The following KCNQ1 variants were observed in gnomAD, a reference collection of about 807,000 sequenced individuals.
KCNQ1 encodes the protein potassium voltage-gated channel subfamily KQT member 1.
KCNQ1 carries 49 observed loss-of-function variants against 72.4 expected under a neutral mutation model. The observed-to-expected ratio is 0.68, with a 90% CI of 0.54 to 0.86. KCNQ1 has a LOEUF of 0.86. Among genes scored for constraint, KCNQ1 ranks in the 40% least tolerant of loss-of-function variants. The probability of loss-of-function intolerance (pLI) is 0.00; values close to 1 mark genes in which losing one functional copy is unlikely to be tolerated. For synonymous variants in KCNQ1, 450 were observed against 412.6 expected (o/e 1.09, Z -1.10); for missense variants, 790 against 945.1 (o/e 0.84, Z 2.15).
Position 2,767,525 on chromosome 11 carries a change from C to T in KCNQ1, c.1515-1319C>T, listed in dbSNP as rs1485248716. ...TCTTTTCCCTTGCCTTTTAGTCTTT[C>T]GTGTATAAAATTGTAGATGCTCGAG... On this transcript the variant is annotated intron_variant, in intron 11 of 15. Coordinates refer to ENST00000155840, the MANE Select transcript of KCNQ1 (RefSeq NM_000218.3). This position sits in a 1 kb window ranked among gnomAD's most constrained non-coding sequence, Gnocchi z 4.6. Among the ~76,000 whole-genome samples the T allele has an allele frequency of 2.6e-5, 4 of 152,268 alleles. No homozygotes were observed. The highest frequency in any genetic ancestry group is 4.1e-4 in the South Asian group (2 of 4,826).
In KCNQ1 at chr11:2,447,197, A is replaced by G. The variant is rs140008779; in HGVS notation, c.386+1713A>G. ...TGCTTGCACTTGTGTTTTCTTCCTC[A>G]TTTGGATTGTTTAGGTCTCGGAAGT... On this transcript the variant is annotated intron_variant, in intron 1 of 15. Transcript: ENST00000155840. The surrounding 1 kb of genome is among the most constrained non-coding windows in gnomAD (Gnocchi z 7.6). 1.6e-3 allele frequency among the ~76,000 whole-genome samples: 245 copies of G among 152,114 alleles called. No homozygotes were observed. Among genetic ancestry groups the G allele is most frequent in the African/African-American group, 5.5e-3 (229 of 41,472 alleles).
At position 2,661,152 on chromosome 11, in the gene KCNQ1, T is replaced by C. The variant is rs1256455756; in HGVS notation, c.1394-809T>C. ...CAGAGAGGGTGGGCTAGGGATCTAG[T>C]TGGCAGTTAACACTGATGACCTTGG... On this transcript the variant is annotated intron_variant, in intron 10 of 15. Coordinates refer to ENST00000155840, the MANE Select transcript of KCNQ1 (RefSeq NM_000218.3). This position sits in a 1 kb window ranked among gnomAD's most constrained non-coding sequence, Gnocchi z 5.9. The C allele has an allele frequency of 1.0e-5, 4 of 398,460 alleles. No individual in the cohort carries two copies. The highest frequency in any genetic ancestry group is 1.8e-5 in the Non-Finnish European group (4 of 226,070). The allele number at this position is 398,460 out of a possible 1,614,324, so 24.7% of individuals were successfully genotyped here. A position where few individuals can be genotyped will look rare whatever the true frequency, so the allele number is the denominator to read the frequency against.
chr11:2,489,918 C>T (rs548352946), intron 1 of KCNQ1, among the ~76,000 whole-genome samples: 3 of 152,304 alleles, frequency 2.0e-5, no homozygotes, highest in African/African-American at 7.2e-5. Flanking sequence ...AATATACTGG[C>T]TTCAGGTACC....
rs927737278 is a variant in KCNQ1, at chr11:2,515,818, G to A, written c.387-12110G>A. On this transcript the variant is annotated intron_variant, in intron 1 of 15. Coordinates refer to ENST00000155840, the MANE Select transcript of KCNQ1 (RefSeq NM_000218.3). This position sits in a 1 kb window ranked among gnomAD's most constrained non-coding sequence, Gnocchi z 4.7. The stretch of plus-strand genomic sequence containing the variant: ...CAGAGCCCCGTTCCCAGCAGCCCTC[G>A]GCCCTGGGGGGCTTGTGCTCTGCCG... 2.6e-5 allele frequency among the ~76,000 whole-genome samples: 4 copies of A among 152,018 alleles called. No individual in the cohort carries two copies. Among genetic ancestry groups the A allele is most frequent in the Non-Finnish European group, 5.9e-5 (4 of 67,986 alleles).
intron 1 of KCNQ1, among the ~76,000 whole-genome samples, chr11:2,485,520 T>A (rs972822049): frequency 2.0e-4 from 30 of 152,064 alleles, no homozygotes; most frequent in African/African-American, 6.3e-4. Flanking sequence ...AGATCTTTAA[T>A]TGCGGTAAGA....
At chr11:2,523,385 A>G (rs1369134546) in intron 1 of KCNQ1, among the ~76,000 whole-genome samples, 1 of 152,118 alleles carries the variant, frequency 6.6e-6, no homozygotes, top group African/African-American at 2.4e-5. Context: ...TTTTTAGTAG[A>G]GACGGGGTTT....
intron 1 of KCNQ1, among the ~76,000 whole-genome samples, chr11:2,476,838 C>T (rs1235396444): frequency 2.0e-5 from 3 of 152,154 alleles, no homozygotes; most frequent in African/African-American, 7.2e-5. Flanking sequence ...GGGCATGTGC[C>T]ACCACCCCTG....
rs1430703136 is a variant in KCNQ1 at position 2,481,509 on chromosome 11, C to T, written c.386+36025C>T. Among the ~76,000 whole-genome samples the T allele has an allele frequency of 1.3e-5, 2 of 152,178 alleles. No homozygotes were observed. Among genetic ancestry groups the T allele is most frequent in the Non-Finnish European group, 1.5e-5 (1 of 68,026 alleles). ...CCATCAGCCAGGCGTCCCCAACCCC[C>T]AGGCCATGAAGCACTACCAGTCCAT... On this transcript the variant is annotated intron_variant, in intron 1 of 15. Coordinates refer to ENST00000155840, the MANE Select transcript of KCNQ1 (RefSeq NM_000218.3). This position sits in a 1 kb window ranked among gnomAD's most constrained non-coding sequence, Gnocchi z 4.6.
rs1850133781 is a variant in KCNQ1, at chr11:2,669,005, C to T, written c.1514+6924C>T. ...AGGCCGAGGTCAAGGTCCACTCTTC[C>T]CCTACTTGGATATCCAGTCTAGCTC... On this transcript the variant is annotated intron_variant, in intron 11 of 15. Coordinates refer to ENST00000155840, the MANE Select transcript of KCNQ1 (RefSeq NM_000218.3). This position sits in a 1 kb window ranked among gnomAD's most constrained non-coding sequence, Gnocchi z 5.6. 1 of 398,554 alleles carries T rather than the reference C, an allele frequency of 2.5e-6. No homozygotes were observed. The highest frequency in any genetic ancestry group is 1.3e-4 in the South Asian group (1 of 7,862). 24.7% of individuals were successfully genotyped at this position (398,554 alleles called of 1,614,324 possible).
chr11:2,529,139 G>C (rs866266202), intron 2 of KCNQ1, among the ~76,000 whole-genome samples: 1 of 152,206 alleles, frequency 6.6e-6, no homozygotes, highest in African/African-American at 2.4e-5. Flanking sequence ...CTGCCTGACT[G>C]GAGGGGCCGT....
intron 3 of KCNQ1, 23 bp downstream of exon 3, chr11:2,570,777 A>C: frequency 6.2e-7 from 1 of 1,608,064 alleles, no homozygotes; most frequent in South Asian, 1.1e-5. Context: ...TGCCCTGTGG[A>C]GGTCACGCCC....
chr11:2,805,828 C>T (rs756136666), intron 15 of KCNQ1, among the ~76,000 whole-genome samples: 12 of 152,188 alleles, frequency 7.9e-5, no homozygotes, highest in African/African-American at 2.9e-4. Flanking sequence ...TCTGATGACA[C>T]GTATCACGGG....
intron 2 of KCNQ1, among the ~76,000 whole-genome samples, chr11:2,539,275 C>T (rs2040082075): frequency 6.6e-6 from 1 of 152,202 alleles, no homozygotes; most frequent in Non-Finnish European, 1.5e-5. Context: ...CCCAGAAAGA[C>T]CCCATAATGG....
At chr11:2,741,589 T>G (rs940977451) in intron 11 of KCNQ1, among the ~76,000 whole-genome samples, 3 of 152,222 alleles carry the variant, frequency 2.0e-5, no homozygotes, top group Admixed American at 1.3e-4. Flanking sequence ...AGGCCTGAGC[T>G]CTGTTCGGGT....
At position 2,526,294 on chromosome 11, in the gene KCNQ1, G is replaced by C. The variant is rs150968197; in HGVS notation, c.387-1634G>C. Among the ~76,000 whole-genome samples, 1 of 152,310 alleles carries C rather than the reference G, an allele frequency of 6.6e-6. No individual in the cohort carries two copies. Among genetic ancestry groups the C allele is most frequent in the Non-Finnish European group, 1.5e-5 (1 of 68,014 alleles). Reference sequence around the variant, plus strand: ...GGGGGAGATGAGGATGGATGGGCAGGGTGCAGACAGGGGCTGGCTGGGTTC... The same window carrying C: ...GGGGGAGATGAGGATGGATGGGCAGCGTGCAGACAGGGGCTGGCTGGGTTC... On this transcript the variant is annotated intron_variant, in intron 1 of 15. Coordinates refer to ENST00000155840, the MANE Select transcript of KCNQ1 (RefSeq NM_000218.3). This position sits in a 1 kb window ranked among gnomAD's most constrained non-coding sequence, Gnocchi z 6.1.
chr11:2,565,873 C>T lies in KCNQ1; in HGVS notation c.478-4755C>T, dbSNP rs1308882991. The stretch of plus-strand genomic sequence containing the variant: ...CTGAACGTCTTTGTCCCAGGCCCTT[C>T]ACTGGGTCTGGAGGAAGGAGGGTGC... On this transcript the variant is annotated intron_variant, in intron 2 of 15. Coordinates refer to ENST00000155840, the MANE Select transcript of KCNQ1 (RefSeq NM_000218.3). This position sits in a 1 kb window ranked among gnomAD's most constrained non-coding sequence, Gnocchi z 5.6. Among the ~76,000 whole-genome samples, 1 of 152,242 alleles carries T rather than the reference C, an allele frequency of 6.6e-6. No individual in the cohort carries two copies. Among genetic ancestry groups the T allele is most frequent in the Non-Finnish European group, 1.5e-5 (1 of 68,036 alleles).
chr11:2,663,968 A>G lies in KCNQ1; in HGVS notation c.1514+1887A>G, dbSNP rs1278691266. The G allele has an allele frequency of 1.3e-5, 5 of 398,600 alleles. No individual in the cohort carries two copies. Among genetic ancestry groups the G allele is most frequent in the Non-Finnish European group, 2.2e-5 (5 of 226,128 alleles). The allele number at this position is 398,600 out of a possible 1,614,324, so 24.7% of individuals were successfully genotyped here. A position where few individuals can be genotyped will look rare whatever the true frequency, so the allele number is the denominator to read the frequency against. On this transcript the variant is annotated intron_variant, in intron 11 of 15. Coordinates refer to ENST00000155840, the MANE Select transcript of KCNQ1 (RefSeq NM_000218.3). This position sits in a 1 kb window ranked among gnomAD's most constrained non-coding sequence, Gnocchi z 5.2. ...ATGACAGGGCCTGAGAGACCTGAAC[A>G]TCCATCCCCAAGCTCTCTGCCCACT...
intron 1 of KCNQ1, among the ~76,000 whole-genome samples, chr11:2,523,293 A>G (rs1847424705): frequency 6.6e-6 from 1 of 151,654 alleles, no homozygotes; most frequent in African/African-American, 2.4e-5. Flanking sequence ...TCCCTGGTTC[A>G]AGCAATCCCC....
In KCNQ1 at chr11:2,767,993, A is replaced by G. The variant is rs1027809489; in HGVS notation, c.1515-851A>G. Among the ~76,000 whole-genome samples the G allele has an allele frequency of 6.6e-6, 1 of 152,198 alleles. No individual in the cohort carries two copies. Among genetic ancestry groups the G allele is most frequent in the Admixed American group, 6.5e-5 (1 of 15,282 alleles). On this transcript the variant is annotated intron_variant, in intron 11 of 15. Coordinates refer to ENST00000155840, the MANE Select transcript of KCNQ1 (RefSeq NM_000218.3). The surrounding 1 kb of genome is among the most constrained non-coding windows in gnomAD (Gnocchi z 4.6). ...AACTGACAAGTGCCCTGAGGAGGAA[A>G]CGCTCGGATGCAGGCGCAGCTCAGT...
Sources: gnomAD v4.1 joint callset for allele counts (sites outside exome capture counted in the v4.1 genomes callset) on GRCh38, gnomAD v4.1.1 for gene constraint, Gnocchi (gnomAD v3.1) non-coding constraint, MANE v1.5 for transcripts, NCBI Gene and HGNC (gene_info 2026-07-23, HGNC 2026-07-21) for gene names.